The following SV2C variants were observed in gnomAD, a reference collection of about 807,000 sequenced individuals.
The protein encoded by SV2C is solute carrier family 22 member B3.
A neutral mutation model predicts 79.7 loss-of-function variants in SV2C; 49 were observed. That is an observed-to-expected ratio of 0.61 (90% CI 0.49 to 0.78). The LOEUF is 0.78. SV2C is among the 30% of genes least tolerant of loss of function. The pLI is 0.00. For synonymous variants in SV2C, 334 were observed against 333.2 expected, an observed-to-expected ratio of 1.00 and a Z score of -0.03; for missense variants, 833 against 912.9, an observed-to-expected ratio of 0.91 and a Z score of 1.13.
chr5:76,254,172 GTA>G (rs34415336), intron 4 of SV2C, among the ~76,000 whole-genome samples: 4 of 119,250 alleles, frequency 3.4e-5, no homozygotes, highest in African/African-American at 9.8e-5. Flanking sequence ...GTGTGTGTGT[GTA>G]TATATATGTG....
chr5:75,882,431 T>C, the SV2C span, among the ~76,000 whole-genome samples: 2 of 150,840 alleles, frequency 1.3e-5, no homozygotes, highest in South Asian at 2.1e-4. Flanking sequence ...AAAAAGAGCC[T>C]GCATCGCCAA....
chr5:76,087,487 C>A (rs934237629), intron 1 of SV2C, among the ~76,000 whole-genome samples: 1 of 152,126 alleles, frequency 6.6e-6, no homozygotes, highest in Non-Finnish European at 1.5e-5. Context: ...GTTTGGAAAC[C>A]CTAGAATCCT....
At chr5:75,950,405 C>A in the SV2C span, among the ~76,000 whole-genome samples, 1 of 151,972 alleles carries the variant, frequency 6.6e-6, no homozygotes, top group African/African-American at 2.4e-5. Flanking sequence ...AAGTTATTGT[C>A]CATCTTGTGA....
At chr5:76,057,403 G>A in the SV2C span, among the ~76,000 whole-genome samples, 1 of 106,214 alleles carries the variant, frequency 9.4e-6, no homozygotes, top group African/African-American at 3.6e-5. Context: ...AACAGGCCCC[G>A]GTGTGTGATG....
chr5:76,012,351 A>T, the SV2C span, among the ~76,000 whole-genome samples: 4 of 152,158 alleles, frequency 2.6e-5, no homozygotes, highest in Admixed American at 6.5e-5. Context: ...GCATTTCGCT[A>T]ATGACCAGTG....
the SV2C span, chr5:76,075,512 G>A: frequency 4.5e-4 from 75 of 165,772 alleles, 1 homozygote; most frequent in East Asian, 6.5e-3. Context: ...CAAGAATCTC[G>A]AGAGCTTGTC....
chr5:75,880,330 T>G, the SV2C span, among the ~76,000 whole-genome samples: 15 of 152,156 alleles, frequency 9.9e-5, no homozygotes, highest in African/African-American at 3.6e-4. Flanking sequence ...TTTTCCAAAC[T>G]TTCACACTCT....
intron 4 of SV2C, among the ~76,000 whole-genome samples, chr5:76,249,270 A>G (rs182819701): frequency 6.6e-6 from 1 of 152,278 alleles, no homozygotes; most frequent in Admixed American, 6.5e-5. Context: ...AGTTTATGAA[A>G]ATGTTAAGTG....
At chr5:75,928,321 T>C in the SV2C span, among the ~76,000 whole-genome samples, 1 of 152,236 alleles carries the variant, frequency 6.6e-6, no homozygotes, top group Non-Finnish European at 1.5e-5. Flanking sequence ...TTTCATTGTT[T>C]AGCTCTCTCA....
intron 12 of SV2C, among the ~76,000 whole-genome samples, chr5:76,350,841 C>T (rs545811445): frequency 1.0e-3 from 156 of 152,222 alleles, no homozygotes; most frequent in African/African-American, 3.7e-3. Flanking sequence ...TAGTGAAACC[C>T]TGTCTCTACT....
At chr5:75,900,624 G>A in the SV2C span, among the ~76,000 whole-genome samples, 2 of 152,076 alleles carry the variant, frequency 1.3e-5, no homozygotes, top group Non-Finnish European at 2.9e-5. Flanking sequence ...TTGCTAGATT[G>A]GGGAAGTTCT....
the SV2C span, among the ~76,000 whole-genome samples, chr5:75,962,155 T>C: frequency 1.3e-5 from 2 of 152,212 alleles, no homozygotes; most frequent in Admixed American, 1.3e-4. Context: ...TGAGAGTGGG[T>C]ATTTAGGGTT....
intron 12 of SV2C, among the ~76,000 whole-genome samples, chr5:76,304,292 G>T (rs964289853): frequency 3.3e-5 from 5 of 152,154 alleles, no homozygotes; most frequent in African/African-American, 1.2e-4. Flanking sequence ...TGGTAAATTC[G>T]CTAGTATGAG....
At chr5:76,138,807 A>G (rs2112202201) in intron 2 of SV2C, among the ~76,000 whole-genome samples, 1 of 152,316 alleles carries the variant, frequency 6.6e-6, no homozygotes, top group African/African-American at 2.4e-5. Flanking sequence ...CAAGATATGA[A>G]CATATCTAAA....
the SV2C span, among the ~76,000 whole-genome samples, chr5:75,848,730 T>C: frequency 6.6e-6 from 1 of 151,670 alleles, no homozygotes; most frequent in South Asian, 2.1e-4. Flanking sequence ...ACAGAGGAGG[T>C]GGTAAGTCTG....
chr5:76,026,681 A>G, the SV2C span, among the ~76,000 whole-genome samples: 2 of 152,262 alleles, frequency 1.3e-5, no homozygotes, highest in African/African-American at 2.4e-5. Flanking sequence ...GAATTCCAAG[A>G]GTCGGAGTGG....
the SV2C span, among the ~76,000 whole-genome samples, chr5:75,854,630 T>C: frequency 1.3e-5 from 2 of 152,190 alleles, no homozygotes; most frequent in Non-Finnish European, 2.9e-5. Context: ...CTGTCAGTTA[T>C]ATATGTAGTG....
chr5:75,916,246 C>T, the SV2C span, among the ~76,000 whole-genome samples: 2 of 150,126 alleles, frequency 1.3e-5, no homozygotes, highest in Non-Finnish European at 1.5e-5. Flanking sequence ...GGTTCCTCCT[C>T]CTTGTCCTCT....
At chr5:76,056,631 T>C in the SV2C span, among the ~76,000 whole-genome samples, 5 of 146,480 alleles carry the variant, frequency 3.4e-5, no homozygotes, top group Non-Finnish European at 6.0e-5. Context: ...TTTCTTTTTT[T>C]TTTTTTTTTT....
Sources: gnomAD v4.1 joint callset for allele counts (sites outside exome capture counted in the v4.1 genomes callset) on GRCh38, gnomAD v4.1.1 for gene constraint, MANE v1.5 for transcripts, NCBI Gene and HGNC (gene_info 2026-07-23, HGNC 2026-07-21) for gene names.